The following IL5RA variants were observed in gnomAD, a reference collection of about 807,000 sequenced individuals.
The protein encoded by IL5RA is interleukin-5 receptor subunit alpha.
Under a neutral mutation model 50.0 loss-of-function variants are expected in IL5RA, and 49 were observed. The observed-to-expected ratio is 0.98, with a 90% CI of 0.78 to 1.24. The LOEUF (loss-of-function observed/expected upper bound fraction) is 1.24, where lower values mean the gene tolerates loss of function less well. Among genes scored for constraint, IL5RA ranks in the 50% most tolerant of loss-of-function variants. The pLI is 0.00. For missense variants in IL5RA, 600 were observed against 500.4 expected (o/e 1.20, Z -1.90); for synonymous variants, 202 against 174.0 (o/e 1.16, Z -1.26).
Position 3,092,437 on chromosome 3 carries a change from T to C in IL5RA, c.856-75A>G. ...TTCTGCCGATTATCAGAATGGGAGG[T>C]CCTATATAGGTCATGTGACTCACTG... On this transcript the variant is annotated intron_variant, in intron 8 of 11. Transcript: ENST00000446632. The surrounding 1 kb of genome is among the most constrained non-coding windows in gnomAD (Gnocchi z 4.2). 7.3e-7 allele frequency: 1 copy of C among 1,374,478 alleles called. No individual in the cohort carries two copies. The allele number at this position is 1,374,478 out of a possible 1,614,324, so 85.1% of individuals were successfully genotyped here. A position where few individuals can be genotyped will look rare whatever the true frequency, so the allele number is the denominator to read the frequency against.
intron 3 of IL5RA, 113 bp downstream of exon 3, chr3:3,104,790 C>G (rs1703827084): frequency 1.7e-6 from 1 of 586,402 alleles, no homozygotes; most frequent in Non-Finnish European, 3.0e-6. Flanking sequence ...AATATTGTCT[C>G]ATAAAAATCC....
chr3:3,077,352 G>C (rs934781928), intron 9 of IL5RA, among the ~76,000 whole-genome samples: 2 of 152,146 alleles, frequency 1.3e-5, no homozygotes, highest in Admixed American at 1.3e-4. Context: ...TGCACAACGT[G>C]CAGGTTTGTT....
chr3:3,093,601 G>A (rs1703229946), intron 8 of IL5RA, among the ~76,000 whole-genome samples: 1 of 152,158 alleles, frequency 6.6e-6, no homozygotes, highest in Non-Finnish European at 1.5e-5. Flanking sequence ...GGGAAGCTCT[G>A]GCTAAGAAAG....
chr3:3,079,986 C>CAG lies in IL5RA; in HGVS notation c.995-3360_995-3359insCT, dbSNP rs552211262. Among the ~76,000 whole-genome samples the CAG allele has an allele frequency of 1.6e-3, 239 of 152,188 alleles. 3 individuals are homozygous for CAG. The East Asian group carries it at 0.033, about 21-fold the overall frequency. On this transcript the variant is annotated intron_variant, in intron 9 of 11. Transcript: ENST00000446632. ...GAGGCAGAGGCTGCAGTGAGCCCATCACGCAACTGCACTCCAGCCTGGGCT... is the reference window on the plus strand; with the variant it reads ...GAGGCAGAGGCTGCAGTGAGCCCATCAGACGCAACTGCACTCCAGCCTGGGCT...
intron 9 of IL5RA, among the ~76,000 whole-genome samples, chr3:3,078,145 C>T (rs538785031): frequency 2.6e-5 from 4 of 152,262 alleles, no homozygotes; most frequent in South Asian, 2.1e-4. Context: ...TCAACCACAC[C>T]GCACCAGGAG....
At chr3:3,099,986 C>G (rs1297503656) in intron 5 of IL5RA, among the ~76,000 whole-genome samples, 2 of 152,122 alleles carry the variant, frequency 1.3e-5, no homozygotes, top group Admixed American at 6.5e-5. Context: ...TTAAATGCAA[C>G]CTTTTTATGT....
intron 11 of IL5RA, among the ~76,000 whole-genome samples, chr3:3,071,599 T>TGTGTGTGTA: frequency 9.3e-6 from 1 of 107,806 alleles, no homozygotes; most frequent in African/African-American, 4.0e-5. Context: ...GTGTGTGTAT[T>TGTGTGTGTA]TTTTTTTTTT....
In IL5RA at chr3:3,072,927, G is replaced by C. The variant is rs542473226; in HGVS notation, c.1176+1855C>G. On this transcript the variant is annotated intron_variant, in intron 11 of 11. Coordinates refer to ENST00000446632, the MANE Select transcript of IL5RA (RefSeq NM_175726.4). ...ACTCCATCTCAAACAAACAAAACCA[G>C]ATGTGGTTACTCAGGGGTAAGTGTG... is the stretch of plus-strand genomic sequence containing the variant. Among the ~76,000 whole-genome samples, 92 of 152,192 alleles carry C rather than the reference G, an allele frequency of 6.0e-4. 2 individuals are homozygous for C. In the South Asian group the frequency reaches 0.019, roughly 31 times the overall value.
At chr3:3,100,468 C>A (rs955354452) in intron 5 of IL5RA, among the ~76,000 whole-genome samples, 1 of 151,962 alleles carries the variant, frequency 6.6e-6, no homozygotes, top group Admixed American at 6.6e-5. Flanking sequence ...ACTTTTGCAC[C>A]AACCTAATAT....
chr3:3,086,627 G>A (rs1190206747), intron 9 of IL5RA, among the ~76,000 whole-genome samples: 1 of 152,030 alleles, frequency 6.6e-6, no homozygotes, highest in Non-Finnish European at 1.5e-5. Context: ...GAGCCCAGGA[G>A]TTCGAGACCA....
At chr3:3,079,621 G>C (rs1702596477) in intron 9 of IL5RA, among the ~76,000 whole-genome samples, 2 of 152,168 alleles carry the variant, frequency 1.3e-5, no homozygotes, top group African/African-American at 4.8e-5. Context: ...ACACATGGCA[G>C]TTGAAATATA....
rs779013676 is a variant in IL5RA at position 3,095,489 on chromosome 3, G to A, written c.710-45C>T. The A allele has an allele frequency of 4.0e-6, 6 of 1,494,552 alleles. No individual in the cohort carries two copies. The East Asian group carries it at 1.1e-4, about 28-fold the overall frequency. The allele number at this position is 1,494,552 out of a possible 1,614,324, so 92.6% of individuals were successfully genotyped here. A position where few individuals can be genotyped will look rare whatever the true frequency, so the allele number is the denominator to read the frequency against. ...ATCAGTGATTTTTTTTTTAGAATCA[G>A]TGATCAAAGCTGATAATTCCAATCC... On this transcript the variant is annotated intron_variant, in intron 7 of 11. Coordinates refer to ENST00000446632, the MANE Select transcript of IL5RA (RefSeq NM_175726.4).
chr3:3,095,276 A>G (rs1703304406), intron 8 of IL5RA, 23 bp downstream of exon 8: 1 of 1,528,720 alleles, frequency 6.5e-7, no homozygotes, highest in Non-Finnish European at 8.9e-7. Context: ...GTTATCAAAT[A>G]TTGGAATAAT....
Position 3,067,046 on chromosome 3 carries a change from A to AC in IL5RA, c.*3178_*3179insG, listed in dbSNP as rs1299421602. ...CAATATCATGACTTTACCTTACATC[A>AC]ACCTGCTGCTGATGGTGTTTACTGT... On this transcript the variant is annotated 3_prime_UTR_variant, in exon 12 of 12. Transcript: ENST00000446632. 1.3e-5 allele frequency: 2 copies of AC among 152,226 alleles called. No individual in the cohort carries two copies. The highest frequency in any genetic ancestry group is 2.9e-5 in the Non-Finnish European group (2 of 68,072). The allele number at this position is 152,226 out of a possible 1,614,324, so 9.4% of individuals were successfully genotyped here.
At chr3:3,109,822 C>CAATTT (rs1196476081) in intron 1 of IL5RA, 123 bp downstream of exon 1, 15 of 152,116 alleles carry the variant, frequency 9.9e-5, no homozygotes, top group African/African-American at 3.6e-4. Context: ...ACCCTCCTCC[C>CAATTT]CACCCTGGGT....
intron 9 of IL5RA, among the ~76,000 whole-genome samples, chr3:3,080,527 T>C (rs1487800719): frequency 6.6e-6 from 1 of 152,244 alleles, no homozygotes; most frequent in Non-Finnish European, 1.5e-5. Context: ...TCTCTGTGCT[T>C]CACTGTGGGA....
intron 11 of IL5RA, among the ~76,000 whole-genome samples, chr3:3,074,447 G>A (rs1702408775): frequency 6.6e-6 from 1 of 152,144 alleles, no homozygotes; most frequent in Non-Finnish European, 1.5e-5. Context: ...TTTCCAATAT[G>A]TCAGAAGAGT....
intron 9 of IL5RA, among the ~76,000 whole-genome samples, chr3:3,084,907 C>G (rs927102698): frequency 6.6e-6 from 1 of 152,278 alleles, no homozygotes; most frequent in Non-Finnish European, 1.5e-5. Flanking sequence ...CTCCCACAAG[C>G]TGCCATCCCT....
At chr3:3,088,264 T>C (rs1159596455) in intron 9 of IL5RA, among the ~76,000 whole-genome samples, 1 of 152,108 alleles carries the variant, frequency 6.6e-6, no homozygotes. Context: ...AGGAGGTGAA[T>C]GTGAATGGCA....
Sources: gnomAD v4.1 joint callset for allele counts (sites outside exome capture counted in the v4.1 genomes callset) on GRCh38, gnomAD v4.1.1 for gene constraint, Gnocchi (gnomAD v3.1) non-coding constraint, MANE v1.5 for transcripts, NCBI Gene and HGNC (gene_info 2026-07-23, HGNC 2026-07-21) for gene names.